SNX29: variants seen among roughly 807,000 people sequenced by gnomAD.
SNX29 encodes the protein sorting nexin 29, also known as sorting nexin-29.
In SNX29, 78 loss-of-function variants were observed where a neutral mutation model predicts 102.1. The observed-to-expected ratio is 0.76, with a 90% CI of 0.64 to 0.92. The LOEUF (loss-of-function observed/expected upper bound fraction) is 0.92. Ranked by LOEUF, SNX29 falls within the 40% of genes least tolerant of loss-of-function variation. The pLI, the probability that SNX29 is intolerant of heterozygous loss-of-function variation, is 0.00. For missense variants in SNX29, 1,280 were observed against 1,061.7 expected (o/e 1.21, Z -2.86); for synonymous variants, 580 against 414.5 (o/e 1.40, Z -4.85).
At chr16:12,540,121 T>G (rs2077262792) in intron 20 of SNX29, among the ~76,000 whole-genome samples, 1 of 152,238 alleles carries the variant, frequency 6.6e-6, no homozygotes, top group African/African-American at 2.4e-5. Flanking sequence ...GATTTTCTCC[T>G]AGGTTTTCCT....
chr16:12,225,984 C>T (rs570421129), intron 14 of SNX29, among the ~76,000 whole-genome samples: 1 of 152,298 alleles, frequency 6.6e-6, no homozygotes, highest in East Asian at 1.9e-4. Context: ...CAGCATCCAG[C>T]CCTCATCCTC....
intron 10 of SNX29, among the ~76,000 whole-genome samples, chr16:12,072,978 G>C (rs2151314424): frequency 6.6e-6 from 1 of 152,320 alleles, no homozygotes; most frequent in East Asian, 1.9e-4. Context: ...AGTATACTCT[G>C]ATGGTAGTTT....
intron 18 of SNX29, among the ~76,000 whole-genome samples, chr16:12,403,971 C>T (rs1018115284): frequency 6.6e-6 from 1 of 152,162 alleles, no homozygotes; most frequent in Non-Finnish European, 1.5e-5. Flanking sequence ...GCCAGGTTCT[C>T]AGCCTGGAAG....
At chr16:12,382,492 G>T (rs563909557) in intron 16 of SNX29, among the ~76,000 whole-genome samples, 19 of 152,318 alleles carry the variant, frequency 1.2e-4, no homozygotes, top group African/African-American at 4.6e-4. Flanking sequence ...AAATGAGAAT[G>T]ATCATGATAT....
intron 20 of SNX29, among the ~76,000 whole-genome samples, chr16:12,555,261 C>T (rs1042158838): frequency 2.6e-5 from 4 of 151,222 alleles, no homozygotes; most frequent in Admixed American, 6.6e-5. Context: ...GTGCTCAAAC[C>T]CAGGGTATGA....
chr16:12,150,826 G>T (rs1794659820), intron 13 of SNX29, among the ~76,000 whole-genome samples: 2 of 152,248 alleles, frequency 1.3e-5, no homozygotes, highest in Admixed American at 6.5e-5. Flanking sequence ...TATCTGAATT[G>T]GAAATTGCTC....
intron 18 of SNX29, among the ~76,000 whole-genome samples, chr16:12,442,496 G>A (rs543092862): frequency 4.6e-5 from 7 of 152,212 alleles, no homozygotes; most frequent in Non-Finnish European, 8.8e-5. Context: ...TTTGTAGGCC[G>A]TGCAGCCTCC....
chr16:12,193,822 A>C (rs1319101252), intron 13 of SNX29, among the ~76,000 whole-genome samples: 1 of 151,972 alleles, frequency 6.6e-6, no homozygotes, highest in Non-Finnish European at 1.5e-5. Flanking sequence ...TTATTCCCTG[A>C]TTCTTTGGTC....
chr16:12,030,562 C>A (rs1010754651), intron 4 of SNX29, among the ~76,000 whole-genome samples: 3 of 152,190 alleles, frequency 2.0e-5, no homozygotes, highest in African/African-American at 7.2e-5. Context: ...CGCGGTTCCT[C>A]CATCCTCAGT....
At chr16:12,449,267 A>G (rs1416156569) in intron 18 of SNX29, among the ~76,000 whole-genome samples, 1 of 151,958 alleles carries the variant, frequency 6.6e-6, no homozygotes, top group Non-Finnish European at 1.5e-5. Flanking sequence ...AGGATGTTGC[A>G]GGGTGAAGAT....
At chr16:12,300,837 A>T (rs886639679) in intron 15 of SNX29, among the ~76,000 whole-genome samples, 5 of 152,070 alleles carry the variant, frequency 3.3e-5, no homozygotes, top group Non-Finnish European at 7.4e-5. Context: ...ACATTGCCCC[A>T]CTAGCCTTAC....
Position 12,098,118 on chromosome 16 carries a change from C to T in SNX29, c.1402+19203C>T, listed in dbSNP as rs1019981124. 1.3e-5 allele frequency among the ~76,000 whole-genome samples: 2 copies of T among 152,230 alleles called. No individual in the cohort carries two copies. Among genetic ancestry groups the T allele is most frequent in the African/African-American group, 2.4e-5 (1 of 41,462 alleles). ...CGCTGGGCCCAGAGGACGCTCAGTACGTGGCCGGGGTGCTTACGTTTTGGT... is the reference window on the plus strand; with the variant it reads ...CGCTGGGCCCAGAGGACGCTCAGTATGTGGCCGGGGTGCTTACGTTTTGGT... On this transcript the variant is annotated intron_variant, in intron 11 of 20. Transcript: ENST00000566228. The surrounding 1 kb of genome is among the most constrained non-coding windows in gnomAD (Gnocchi z 6.0).
At chr16:12,528,715 T>G (rs2076853015) in intron 20 of SNX29, among the ~76,000 whole-genome samples, 1 of 152,236 alleles carries the variant, frequency 6.6e-6, no homozygotes, top group African/African-American at 2.4e-5. Flanking sequence ...TCCTGGCTCT[T>G]CTCCACTGCT....
intron 19 of SNX29, among the ~76,000 whole-genome samples, chr16:12,489,005 T>A (rs1168957338): frequency 1.3e-5 from 2 of 152,158 alleles, no homozygotes; most frequent in Non-Finnish European, 2.9e-5. Flanking sequence ...TGAGTTTCCT[T>A]GTATATCCTT....
At chr16:12,480,244 C>G (rs2087844761) in intron 19 of SNX29, among the ~76,000 whole-genome samples, 1 of 152,190 alleles carries the variant, frequency 6.6e-6, no homozygotes, top group Non-Finnish European at 1.5e-5. Context: ...CGTCACAGAG[C>G]TAAAATCAAG....
chr16:12,549,995 C>A (rs1022242714), intron 20 of SNX29, among the ~76,000 whole-genome samples: 1 of 152,148 alleles, frequency 6.6e-6, no homozygotes, highest in Non-Finnish European at 1.5e-5. Flanking sequence ...TGTATAGCTT[C>A]TTATTATAAG....
chr16:12,245,962 G>A (rs2078248803), intron 14 of SNX29, among the ~76,000 whole-genome samples: 1 of 152,206 alleles, frequency 6.6e-6, no homozygotes, highest in Non-Finnish European at 1.5e-5. Flanking sequence ...GTGAAATAGG[G>A]ATATTAACAA....
chr16:12,556,880 T>TGAGGAGACAGACGGAGAC (rs879268149), intron 20 of SNX29, among the ~76,000 whole-genome samples: 1 of 151,128 alleles, frequency 6.6e-6, no homozygotes, highest in African/African-American at 2.4e-5. Flanking sequence ...TGAGATAGGG[T>TGAGGAGACAGACGGAGAC]CTCCGTCTGT....
At chr16:12,454,461 A>C (rs1321881165) in intron 18 of SNX29, among the ~76,000 whole-genome samples, 2 of 152,240 alleles carry the variant, frequency 1.3e-5, no homozygotes, top group Non-Finnish European at 2.9e-5. Context: ...ACTGCTGCCC[A>C]GAACTCTAGA....
Sources: gnomAD v4.1 joint callset for allele counts (sites outside exome capture counted in the v4.1 genomes callset) on GRCh38, gnomAD v4.1.1 for gene constraint, Gnocchi (gnomAD v3.1) non-coding constraint, MANE v1.5 for transcripts, NCBI Gene and HGNC (gene_info 2026-07-23, HGNC 2026-07-21) for gene names.